CARNS1: variants seen among roughly 807,000 people sequenced by gnomAD.
CARNS1 encodes ATP-grasp domain containing 1.
CARNS1 carries 61 observed loss-of-function variants against 74.0 expected under a neutral mutation model. That is an observed-to-expected ratio of 0.82 (90% CI 0.67 to 1.02). The LOEUF is 1.02. Ranked by LOEUF, CARNS1 falls within the 50% of genes least tolerant of loss-of-function variation. The pLI is 0.00. For synonymous variants in CARNS1, 568 were observed against 605.5 expected, an observed-to-expected ratio of 0.94 and a Z score of 0.91; for missense variants, 1,278 against 1,308.4, an observed-to-expected ratio of 0.98 and a Z score of 0.36.
In CARNS1 at chr11:67,425,427, T is replaced by C; in HGVS notation, c.*826T>C. The C allele has an allele frequency of 4.6e-6, 1 of 215,514 alleles. No homozygotes were observed. The highest frequency in any genetic ancestry group is 9.6e-6 in the Non-Finnish European group (1 of 104,094). The allele number at this position is 215,514 out of a possible 1,614,324, so 13.4% of individuals were successfully genotyped here. The stretch of plus-strand genomic sequence containing the variant: ...CCTCCCTCCTATGCATCACAAACCT[T>C]CTCCACCGAGCTTTGGTGCTTTGGC... On this transcript the variant is annotated 3_prime_UTR_variant, in exon 10 of 10. Transcript: ENST00000687366.
chr11:67,422,578 C>T (rs908512585), intron 9 of CARNS1, among the ~76,000 whole-genome samples: 4 of 152,090 alleles, frequency 2.6e-5, no homozygotes, highest in South Asian at 4.1e-4. Flanking sequence ...CCTCCTGCTT[C>T]GGCCTCCCAA....
In CARNS1 at chr11:67,425,099, C is replaced by T; in HGVS notation, c.*498C>T. On this transcript the variant is annotated 3_prime_UTR_variant, in exon 10 of 10. Coordinates refer to ENST00000687366, the MANE Select transcript of CARNS1 (RefSeq NM_001166222.2). ...GGATAGCTCTGAAGCCTGCTGGAAA[C>T]TTGGTGGCATCCAACCTGCCTCATT... 1 of 457,414 alleles carries T rather than the reference C, an allele frequency of 2.2e-6. No homozygotes were observed. Among genetic ancestry groups the T allele is most frequent in the Admixed American group, 2.3e-5 (1 of 42,596 alleles). The allele number at this position is 457,414 out of a possible 1,614,324, so 28.3% of individuals were successfully genotyped here.
Position 67,421,180 on chromosome 11 carries a change from G to A in CARNS1, c.1587G>A (p.Lys529=), listed in dbSNP as rs936596380. The change falls in exon 9 of 10, where the codon AAG becomes AAA. Residue 529 remains lysine (K), a synonymous_variant. Transcript: ENST00000687366. ...TGGTCGGCGCTGGCGGCGTCAGCAA[G>A]AAGTTCGTGTGGGAGGCGGCGCGCG... The part of the protein sequence containing the change: ...LLVVGAGGVS[K]KFVWEAARDY... 9 of 1,495,856 alleles carry A rather than the reference G, an allele frequency of 6.0e-6. No homozygotes were observed. Among genetic ancestry groups the A allele is most frequent in the African/African-American group, 1.5e-5 (1 of 68,556 alleles). 92.7% of individuals were successfully genotyped at this position (1,495,856 alleles called of 1,614,324 possible).
chr11:67,419,187 G>T lies in CARNS1; in HGVS notation c.796G>T (p.Val266Leu). 1 of 1,523,916 alleles carries T rather than the reference G, an allele frequency of 6.6e-7. No individual in the cohort carries two copies. The highest frequency in any genetic ancestry group is 8.8e-7 in the Non-Finnish European group (1 of 1,131,580). The allele number at this position is 1,523,916 out of a possible 1,614,324, so 94.4% of individuals were successfully genotyped here. The change falls in exon 5 of 10, where the codon GTG becomes TTG. Residue 266 changes from valine (V) to leucine (L), a missense_variant. Transcript: ENST00000687366. ...TGGCAAAGAGGGCCAGGAGACGCTG[G>T]TGAAAGAGGAAGTGGAGGCTTTTCT... The part of the protein sequence containing the change: ...LSGKEGQETL[V>L]KEEVEAFLRS...
At chr11:67,422,266 C>G (rs1398218735) in intron 9 of CARNS1, among the ~76,000 whole-genome samples, 2 of 147,140 alleles carry the variant, frequency 1.4e-5, no homozygotes, top group Non-Finnish European at 3.0e-5. Context: ...CCATTGCAAC[C>G]TCTGCCTCCT....
At position 67,424,415 on chromosome 11, in the gene CARNS1, A is replaced by G. The variant is rs1222130701; in HGVS notation, c.2667A>G (p.Gly889=). ...CCCTGCAGGCCCTGCACGACCGTGG[A>G]CTGCTACGCCTCAATCTGCTGGAGG... ...RETLQALHDR[G]LLRLNLLEEA... Residue 889 remains glycine (G), a synonymous_variant, in exon 10 of 10, where the codon GGA becomes GGG. Transcript: ENST00000687366. The G allele has an allele frequency of 6.3e-7, 1 of 1,589,240 alleles. No individual in the cohort carries two copies. Among genetic ancestry groups the G allele is most frequent in the Non-Finnish European group, 8.6e-7 (1 of 1,168,352 alleles).
chr11:67,416,350 C>T, intron 2 of CARNS1, 148 bp downstream of exon 2: 1 of 1,467,476 alleles, frequency 6.8e-7, no homozygotes, highest in East Asian at 2.6e-5. Context: ...CCACCCCCAC[C>T]CTGCGGCTGC....
At chr11:67,419,710 T>C in intron 6 of CARNS1, 43 bp from the exon 7 acceptor site, 3 of 1,590,576 alleles carry the variant, frequency 1.9e-6, no homozygotes, top group Non-Finnish European at 2.6e-6. Flanking sequence ...TGTGGCCTTC[T>C]GGCCACTCTG....
chr11:67,419,205 G>A lies in CARNS1; in HGVS notation c.814G>A (p.Ala272Thr), dbSNP rs2135085289. 2 of 1,499,030 alleles carry A rather than the reference G, an allele frequency of 1.3e-6. No homozygotes were observed. Among genetic ancestry groups the A allele is most frequent in the Non-Finnish European group, 1.8e-6 (2 of 1,118,718 alleles). The allele number at this position is 1,499,030 out of a possible 1,614,324, so 92.9% of individuals were successfully genotyped here. Reference sequence around the variant, plus strand: ...GACGCTGGTGAAAGAGGAAGTGGAGGCTTTTCTGCGCTCCGAGGCCCTGGG... The same window carrying A: ...GACGCTGGTGAAAGAGGAAGTGGAGACTTTTCTGCGCTCCGAGGCCCTGGG... ...QETLVKEEVE[A>T]FLRSEALGDI... The change falls in exon 5 of 10, where the codon GCT (alanine) becomes ACT (threonine). Residue 272 changes from alanine to threonine, a missense_variant. Physicochemically the swap from Ala to Thr is moderately conservative, Grantham distance 58. This residue lies in a region of CARNS1 where 1,164 missense variants were observed against 1,156.5 expected (regional missense o/e 1.01). Coordinates refer to ENST00000687366, the MANE Select transcript of CARNS1 (RefSeq NM_001166222.2).
chr11:67,422,870 T>G (rs998728003), intron 9 of CARNS1, among the ~76,000 whole-genome samples: 1 of 152,214 alleles, frequency 6.6e-6, no homozygotes, highest in African/African-American at 2.4e-5. Flanking sequence ...CTGCCCTGGG[T>G]TCCCCCAGCA....
In CARNS1 at chr11:67,423,855, C is replaced by T. The variant is rs956028667; in HGVS notation, c.2107C>T (p.Arg703Ter). The stretch of plus-strand genomic sequence containing the variant: ...CCATGAGCACTTTTCCCGGATTACC[C>T]GAGACTTGCAGGGCGAGGCCGACCA... ...QCHEHFSRIT[R>*]DLQGEADHPG... Residue 703 changes from arginine to a stop codon, truncating the protein, a stop_gained, in exon 10 of 10, where the codon CGA becomes TGA. Transcript: ENST00000687366. LOFTEE classifies it high-confidence loss of function. This position sits in a 1 kb window ranked among gnomAD's most constrained non-coding sequence, Gnocchi z 5.1. 13 of 1,612,812 alleles carry T rather than the reference C, an allele frequency of 8.1e-6. No individual in the cohort carries two copies. The highest frequency in any genetic ancestry group is 1.6e-4 in the Middle Eastern group (1 of 6,084).
At chr11:67,422,171 CTTTTT>C (rs35293042) in intron 9 of CARNS1, among the ~76,000 whole-genome samples, 1 of 72,784 alleles carries the variant, frequency 1.4e-5, no homozygotes, top group South Asian at 3.8e-4. Flanking sequence ...CGCGCCCGGC[CTTTTT>C]TTTTTTTTTT....
At chr11:67,418,039 C>T (rs1005063671) in intron 3 of CARNS1, among the ~76,000 whole-genome samples, 1 of 152,190 alleles carries the variant, frequency 6.6e-6, no homozygotes, top group African/African-American at 2.4e-5. Context: ...CCCTCCACGC[C>T]TGTTACATAT....
intron 3 of CARNS1, 30 bp from the exon 4 acceptor site, chr11:67,418,400 TG>T (rs1863603175): frequency 7.0e-6 from 10 of 1,420,812 alleles, no homozygotes; most frequent in Non-Finnish European, 9.2e-6. Context: ...AGGGCGCCCC[TG>T]GTGAGCTGGG....
At chr11:67,418,319 T>C in intron 3 of CARNS1, 112 bp from the exon 4 acceptor site, 5 of 719,546 alleles carry the variant, frequency 6.9e-6, no homozygotes, top group Non-Finnish European at 1.0e-5. Context: ...ATCCGATTCC[T>C]GGGAAAACTC....
At position 67,421,149 on chromosome 11, in the gene CARNS1, T is replaced by C. The variant is rs890809110; in HGVS notation, c.1556T>C (p.Leu519Pro). 9 of 1,492,322 alleles carry C rather than the reference T, an allele frequency of 6.0e-6. No individual in the cohort carries two copies. The highest frequency in any genetic ancestry group is 4.5e-5 in the Admixed American group (2 of 44,686). The allele number at this position is 1,492,322 out of a possible 1,614,324, so 92.4% of individuals were successfully genotyped here. ...SARCLMEGKQ[L>P]LVVGAGGVSK... Reference sequence around the variant, plus strand: ...CGCTGCCTCATGGAGGGAAAACAGCTGCTGGTGGTCGGCGCTGGCGGCGTC... The same window carrying C: ...CGCTGCCTCATGGAGGGAAAACAGCCGCTGGTGGTCGGCGCTGGCGGCGTC... The change falls in exon 9 of 10, where the codon CTG (leucine) becomes CCG (proline). Residue 519 changes from leucine (L) to proline (P), a missense_variant. By Grantham distance (98) the Leu-to-Pro change is moderately conservative. Coordinates refer to ENST00000687366, the MANE Select transcript of CARNS1 (RefSeq NM_001166222.2).
chr11:67,420,663 C>G lies in CARNS1; in HGVS notation c.1168C>G (p.Pro390Ala). ...CCCTCTACGGCACCACAACTCCCTG[C>G]CGAGGACGCTGGAGGTGGCGCTGGC... is the stretch of plus-strand genomic sequence containing the variant. Reference protein sequence around the residue: ...DRPLRHHNSLPRTLEVALAQC... With the variant: ...DRPLRHHNSLARTLEVALAQC... The change falls in exon 8 of 10, where the codon CCG becomes GCG. Residue 390 changes from proline to alanine, a missense_variant. Coordinates refer to ENST00000687366, the MANE Select transcript of CARNS1 (RefSeq NM_001166222.2). 7.9e-7 allele frequency: 1 copy of G among 1,259,164 alleles called. No individual in the cohort carries two copies. Among genetic ancestry groups the G allele is most frequent in the Non-Finnish European group, 1.0e-6 (1 of 1,004,020 alleles). The allele number at this position is 1,259,164 out of a possible 1,614,324, so 78.0% of individuals were successfully genotyped here.
At chr11:67,418,312 C>T (rs1050254971) in intron 3 of CARNS1, 119 bp from the exon 4 acceptor site, 9 of 675,772 alleles carry the variant, frequency 1.3e-5, no homozygotes, top group Admixed American at 7.5e-5. Flanking sequence ...CTGTCTCATC[C>T]GATTCCTGGG....
chr11:67,419,165 CAA>C lies in CARNS1; in HGVS notation c.776_777del (p.Lys259ArgfsTer22), dbSNP rs1306808239. 1 of 1,549,474 alleles carries C rather than the reference CAA, an allele frequency of 6.5e-7. No individual in the cohort carries two copies. The highest frequency in any genetic ancestry group is 1.9e-5 in the Admixed American group (1 of 52,070). ...GGCTACGGCTGGTGGAGCTGAGTGG[CAA>C]AGAGGGCCAGGAGACGCTGGTGAAA... ...LGLRLVELSG[K>X]EGQETLVKEE... On this transcript the variant is annotated frameshift_variant, in exon 5 of 10. Transcript: ENST00000687366. LOFTEE classifies it high-confidence loss of function.
Sources: allele counts gnomAD v4.1 joint callset (sites outside exome capture counted in the v4.1 genomes callset), GRCh38; gene constraint gnomAD v4.1.1; regional missense constraint gnomAD v4.1.1; non-coding constraint Gnocchi (gnomAD v3.1); transcripts MANE v1.5; gene names NCBI Gene and HGNC (gene_info 2026-07-23, HGNC 2026-07-21).